The following C12orf56 variants were observed in gnomAD, a reference collection of about 807,000 sequenced individuals.
C12orf56 encodes the protein uncharacterized protein C12orf56.
Under a neutral mutation model 69.9 loss-of-function variants are expected in C12orf56, and 71 were observed. The observed-to-expected ratio is 1.02, with a 90% CI of 0.84 to 1.24. C12orf56 has a LOEUF of 1.24. Among genes scored for constraint, C12orf56 ranks in the 50% most tolerant of loss-of-function variants. The pLI is 0.00. For synonymous variants in C12orf56, 276 were observed against 274.1 expected (o/e 1.01, Z -0.07); for missense variants, 732 against 738.5 (o/e 0.99, Z 0.10).
rs1333495340 is a variant in C12orf56, at chr12:64,264,996, G to A, written c.*2187C>T. On this transcript the variant is annotated 3_prime_UTR_variant, in exon 13 of 13. Transcript: ENST00000543942. The stretch of plus-strand genomic sequence containing the variant: ...CAGGGCAAAGAGAGGAGTGGGAGAG[G>A]CATGCAGAAATCATGTGGGAGAGAA... 6.6e-6 allele frequency: 1 copy of A among 152,170 alleles called. No homozygotes were observed. The highest frequency in any genetic ancestry group is 1.5e-5 in the Non-Finnish European group (1 of 68,046). The allele number at this position is 152,170 out of a possible 1,614,324, so 9.4% of individuals were successfully genotyped here.
At chr12:64,277,842 T>G in intron 8 of C12orf56, 39 bp from the exon 9 acceptor site, 2 of 1,437,716 alleles carry the variant, frequency 1.4e-6, no homozygotes, top group African/African-American at 1.4e-5. Flanking sequence ...GTGAGCAAAG[T>G]GTTGAGAGGA....
At chr12:64,310,797 C>T (rs2038598427) in intron 5 of C12orf56, among the ~76,000 whole-genome samples, 1 of 151,542 alleles carries the variant, frequency 6.6e-6, no homozygotes, top group Non-Finnish European at 1.5e-5. Context: ...TATACATGTG[C>T]CATGTTGGTG....
At chr12:64,351,328 C>G (rs904817884) in intron 2 of C12orf56, among the ~76,000 whole-genome samples, 2 of 152,192 alleles carry the variant, frequency 1.3e-5, no homozygotes, top group Admixed American at 6.5e-5. Flanking sequence ...ATGCAACCCC[C>G]TCCCCTGCAG....
In C12orf56 at chr12:64,308,975, A is replaced by G. The variant is rs1490276393; in HGVS notation, c.968+3704T>C. 1.2e-4 allele frequency among the ~76,000 whole-genome samples: 14 copies of G among 119,288 alleles called. 1 individual carries two copies. The highest frequency in any genetic ancestry group is 8.0e-4 in the South Asian group (3 of 3,744). The allele number at this position is 119,288 out of a possible 152,430, so 78.3% of individuals were successfully genotyped here. On this transcript the variant is annotated intron_variant, in intron 5 of 12. Coordinates refer to ENST00000543942, the MANE Select transcript of C12orf56 (RefSeq NM_001170633.2). Reference sequence around the variant, plus strand: ...AGAAAGAAAGAAAGAAAGAAAGAAAAGAAAGAAAGAAAAGAAAGAAGGAAA... The same window carrying G: ...AGAAAGAAAGAAAGAAAGAAAGAAAGGAAAGAAAGAAAAGAAAGAAGGAAA...
At chr12:64,355,040 T>G (rs2039290197) in intron 1 of C12orf56, among the ~76,000 whole-genome samples, 1 of 129,736 alleles carries the variant, frequency 7.7e-6, no homozygotes, top group African/African-American at 3.0e-5. Context: ...ATTGCACCAC[T>G]GCGCTCCAGC....
chr12:64,303,332 A>G (rs1288070768), intron 6 of C12orf56, among the ~76,000 whole-genome samples: 2 of 148,954 alleles, frequency 1.3e-5, no homozygotes, highest in African/African-American at 2.5e-5. Context: ...CACTGTCTAT[A>G]TATCTTGTAT....
At chr12:64,363,524 G>A (rs1029403304) in intron 1 of C12orf56, among the ~76,000 whole-genome samples, 3 of 152,184 alleles carry the variant, frequency 2.0e-5, no homozygotes, top group South Asian at 2.1e-4. Flanking sequence ...CACGCTAGGG[G>A]CCCCTTTGCG....
intron 1 of C12orf56, among the ~76,000 whole-genome samples, chr12:64,368,762 C>T (rs2039531503): frequency 6.6e-6 from 1 of 152,182 alleles, no homozygotes; most frequent in African/African-American, 2.4e-5. Context: ...AAACTATAAA[C>T]TAGCAGTCAG....
chr12:64,343,539 A>G (rs1049464269), intron 2 of C12orf56, among the ~76,000 whole-genome samples: 1 of 152,204 alleles, frequency 6.6e-6, no homozygotes, highest in Non-Finnish European at 1.5e-5. Context: ...TGCCAAGTCA[A>G]TGGCTGCATA....
chr12:64,358,482 A>AATCATCATCATCATCATCATCATC (rs1555193400), intron 1 of C12orf56, among the ~76,000 whole-genome samples: 253 of 125,938 alleles, frequency 2.0e-3, no homozygotes, highest in African/African-American at 5.9e-3. Context: ...TAATAATAAT[A>AATCATCATCATCATCATCATCATC]ATCATCATCA....
intron 2 of C12orf56, among the ~76,000 whole-genome samples, chr12:64,349,497 A>G (rs1056140372): frequency 6.6e-6 from 1 of 152,234 alleles, no homozygotes; most frequent in Non-Finnish European, 1.5e-5. Context: ...AGATCCAGCA[A>G]TCCCACTGCT....
intron 1 of C12orf56, among the ~76,000 whole-genome samples, chr12:64,378,867 A>G (rs1266044976): frequency 1.3e-5 from 2 of 152,000 alleles, no homozygotes. Context: ...TCTGGCCACC[A>G]TAGTGAAATC....
chr12:64,268,268 T>C (rs1306950427), intron 12 of C12orf56, among the ~76,000 whole-genome samples: 3 of 152,134 alleles, frequency 2.0e-5, no homozygotes, highest in Non-Finnish European at 4.4e-5. Context: ...AAACAGTACA[T>C]GATGCACCTA....
At chr12:64,277,155 C>T (rs1465111640) in intron 9 of C12orf56, among the ~76,000 whole-genome samples, 4 of 152,004 alleles carry the variant, frequency 2.6e-5, no homozygotes, top group Non-Finnish European at 4.4e-5. Flanking sequence ...TTGGTTTATT[C>T]TCTCAGAAGG....
At chr12:64,334,483 C>A (rs1171111910) in intron 2 of C12orf56, among the ~76,000 whole-genome samples, 1 of 151,954 alleles carries the variant, frequency 6.6e-6, no homozygotes, top group African/African-American at 2.4e-5. Flanking sequence ...CTATGCATAC[C>A]CTCCCATATA....
chr12:64,364,275 C>A (rs2039436651), intron 1 of C12orf56, among the ~76,000 whole-genome samples: 1 of 151,702 alleles, frequency 6.6e-6, no homozygotes, highest in African/African-American at 2.4e-5. Flanking sequence ...GAGAGTGAGA[C>A]CCTGCCTCAA....
rs1430799762 is a variant in C12orf56, at chr12:64,270,595, A to G, written c.1704T>C (p.Cys568=). 3 of 1,613,482 alleles carry G rather than the reference A, an allele frequency of 1.9e-6. No individual in the cohort carries two copies. Among genetic ancestry groups the G allele is most frequent in the Non-Finnish European group, 2.5e-6 (3 of 1,179,668 alleles). The change falls in exon 12 of 13, where the codon TGT becomes TGC. Residue 568 remains cysteine, a synonymous_variant. Transcript: ENST00000543942. ...LYQQFYILKS[C]LRHSRTLAEY... Reference sequence around the variant, plus strand: ...CAGCTAGAGTCCTGCTGTGCCGCAGACAGCTCTTGAGGATGTAAAATTGCT... The same window carrying G: ...CAGCTAGAGTCCTGCTGTGCCGCAGGCAGCTCTTGAGGATGTAAAATTGCT...
chr12:64,356,317 A>G (rs1321465953), intron 1 of C12orf56, among the ~76,000 whole-genome samples: 1 of 152,210 alleles, frequency 6.6e-6, no homozygotes, highest in African/African-American at 2.4e-5. Context: ...TTAGAAACAA[A>G]TGCTTGTTCC....
In C12orf56 at chr12:64,380,135, C is replaced by CA. The variant is rs796914776; in HGVS notation, c.252+10178dup. Among the ~76,000 whole-genome samples, 51 of 43,300 alleles carry CA rather than the reference C, an allele frequency of 1.2e-3. 4 individuals are homozygous for CA. The highest frequency in any genetic ancestry group is 3.1e-3 in the African/African-American group (51 of 16,220). 28.4% of individuals were successfully genotyped at this position (43,300 alleles called of 152,430 possible). A position where few individuals can be genotyped will look rare whatever the true frequency, so the allele number is the denominator to read the frequency against. On this transcript the variant is annotated intron_variant, in intron 1 of 12. Transcript: ENST00000543942. ...AAAAAAAAAAAAAAAAAAAAAAAAACAAAACAAACAAAAAAAAACGCACAA... is the reference window on the plus strand; with the variant it reads ...AAAAAAAAAAAAAAAAAAAAAAAAACAAAAACAAACAAAAAAAAACGCACAA...
Sources: gnomAD v4.1 joint callset for allele counts (sites outside exome capture counted in the v4.1 genomes callset) on GRCh38, gnomAD v4.1.1 for gene constraint, MANE v1.5 for transcripts, NCBI Gene and HGNC (gene_info 2026-07-23, HGNC 2026-07-21) for gene names.